The following MYO3A variants were observed in gnomAD, a reference collection of about 807,000 sequenced individuals.
The protein encoded by MYO3A is myosin-IIIa.
A neutral mutation model predicts 192.7 loss-of-function variants in MYO3A; 180 were observed. The ratio of observed to expected loss-of-function variants is 0.93; its 90% CI spans 0.83 to 1.06. The LOEUF (loss-of-function observed/expected upper bound fraction) is 1.06. Ranked by LOEUF, MYO3A falls within the 50% of genes least tolerant of loss-of-function variation. The probability of loss-of-function intolerance (pLI) is 0.00; values close to 1 mark genes in which losing one functional copy is unlikely to be tolerated. For synonymous variants in MYO3A, 628 were observed against 645.3 expected (o/e 0.97, Z 0.41); for missense variants, 1,896 against 1,905.0 (o/e 1.00, Z 0.09).
chr10:25,975,349 G>A (rs560662437), intron 4 of MYO3A, among the ~76,000 whole-genome samples: 11 of 152,136 alleles, frequency 7.2e-5, no homozygotes, highest in Non-Finnish European at 1.5e-4. Context: ...AAAAGTGAGG[G>A]GTAGCATTAA....
chr10:26,141,014 C>G (rs7895925), intron 20 of MYO3A, among the ~76,000 whole-genome samples: 105,902 of 151,962 alleles, frequency 0.7, 37,096 homozygotes, highest in Middle Eastern at 0.75. Context: ...TACAACCTCT[C>G]CCTCCCAGGT....
chr10:26,187,468 CT>C (rs1165017159), intron 31 of MYO3A, among the ~76,000 whole-genome samples: 2 of 150,808 alleles, frequency 1.3e-5, no homozygotes, highest in East Asian at 3.9e-4. Flanking sequence ...TTCTCATGGT[CT>C]TCTATTTGTG....
chr10:26,160,708 G>A (rs1177508424), intron 26 of MYO3A, among the ~76,000 whole-genome samples: 3 of 152,048 alleles, frequency 2.0e-5, no homozygotes, highest in Admixed American at 1.3e-4. Context: ...AGGAGGGTAC[G>A]GCTTATGGAG....
chr10:25,954,741 A>G (rs868565252), intron 3 of MYO3A, 133 bp from the exon 4 acceptor site: 25 of 899,498 alleles, frequency 2.8e-5, no homozygotes, highest in Middle Eastern at 3.4e-4. Flanking sequence ...ATTACAATAC[A>G]TAATACTAAG....
chr10:26,026,799 T>A (rs1298597615), intron 10 of MYO3A, among the ~76,000 whole-genome samples: 5 of 152,160 alleles, frequency 3.3e-5, no homozygotes, highest in Non-Finnish European at 7.4e-5. Context: ...CCTCCCGGGT[T>A]CAAGCGATTC....
intron 4 of MYO3A, among the ~76,000 whole-genome samples, chr10:25,986,091 TTAAAAA>T (rs1185881625): frequency 1.3e-5 from 2 of 151,978 alleles, no homozygotes; most frequent in Non-Finnish European, 2.9e-5. Context: ...ATAAACAGAA[TTAAAAA>T]TAATAATTAC....
intron 4 of MYO3A, among the ~76,000 whole-genome samples, chr10:25,985,581 C>T (rs1051011839): frequency 2.0e-5 from 3 of 152,038 alleles, no homozygotes; most frequent in African/African-American, 4.8e-5. Context: ...AGCACATAAA[C>T]CAGAAAATCT....
rs572730671 is a variant in MYO3A, at chr10:26,035,557, C to G, written c.953+9025C>G. Among the ~76,000 whole-genome samples the G allele has an allele frequency of 1.7e-3, 252 of 152,290 alleles. 1 individual carries two copies. Among genetic ancestry groups the G allele is most frequent in the African/African-American group, 6.0e-3 (249 of 41,548 alleles). The stretch of plus-strand genomic sequence containing the variant: ...CTGTCTTTATCATACCACTTTCCCC[C>G]CTGCCAAGTAATTATACAATCATAG... On this transcript the variant is annotated intron_variant, in intron 10 of 34. Coordinates refer to ENST00000642920, the MANE Select transcript of MYO3A (RefSeq NM_017433.5).
chr10:26,189,418 A>G (rs1367956916), intron 31 of MYO3A, among the ~76,000 whole-genome samples: 2 of 152,248 alleles, frequency 1.3e-5, no homozygotes, highest in East Asian at 3.8e-4. Flanking sequence ...AGTACCATTT[A>G]TGCTCAATGA....
chr10:26,153,498 C>T (rs1840920130), intron 23 of MYO3A, among the ~76,000 whole-genome samples: 1 of 152,164 alleles, frequency 6.6e-6, no homozygotes, highest in South Asian at 2.1e-4. Context: ...AATTGTAAAG[C>T]TTAGCCTGTG....
chr10:25,956,022 A>G (rs1418146157), intron 4 of MYO3A, among the ~76,000 whole-genome samples: 1 of 152,172 alleles, frequency 6.6e-6, no homozygotes, highest in African/African-American at 2.4e-5. Flanking sequence ...AGGCCTGTTC[A>G]CTTCCAAGAT....
intron 4 of MYO3A, 109 bp from the exon 5 acceptor site, chr10:25,996,381 T>A: frequency 1.2e-6 from 1 of 832,770 alleles, no homozygotes; most frequent in Non-Finnish European, 2.0e-6. Flanking sequence ...CATTAATCAT[T>A]TGAAAGAGAA....
intron 15 of MYO3A, among the ~76,000 whole-genome samples, chr10:26,090,188 G>A (rs1475252084): frequency 6.6e-6 from 1 of 152,198 alleles, no homozygotes; most frequent in East Asian, 1.9e-4. Context: ...CTAATTGGTA[G>A]ATGGCACCAC....
chr10:26,205,356 T>C (rs1843864055), intron 34 of MYO3A, among the ~76,000 whole-genome samples: 1 of 152,104 alleles, frequency 6.6e-6, no homozygotes, highest in Non-Finnish European at 1.5e-5. Context: ...CTTGAATTTA[T>C]TCCTCCTGCC....
At chr10:26,062,174 C>T (rs1834524801) in intron 10 of MYO3A, among the ~76,000 whole-genome samples, 2 of 152,092 alleles carry the variant, frequency 1.3e-5, no homozygotes, top group African/African-American at 4.8e-5. Context: ...TTGATGCTTA[C>T]ATTCTAGTAA....
At chr10:25,946,124 A>G (rs1836815248) in intron 2 of MYO3A, among the ~76,000 whole-genome samples, 1 of 152,196 alleles carries the variant, frequency 6.6e-6, no homozygotes, top group Non-Finnish European at 1.5e-5. Context: ...AAGTGGCATT[A>G]ACTAAAATTA....
In MYO3A at chr10:26,147,418, C is replaced by T; in HGVS notation, c.2506-12C>T. On this transcript the variant is annotated splice_polypyrimidine_tract_variant and intron_variant, in intron 22 of 34. Transcript: ENST00000642920. Reference sequence around the variant, plus strand: ...CATTGATTGTGATAATTATAGCATACTGTATCAACAGGTCCTCTATAATGC... The same window carrying T: ...CATTGATTGTGATAATTATAGCATATTGTATCAACAGGTCCTCTATAATGC... 8 of 1,608,760 alleles carry T rather than the reference C, an allele frequency of 5.0e-6. No homozygotes were observed. Among genetic ancestry groups the T allele is most frequent in the Non-Finnish European group, 6.8e-6 (8 of 1,175,288 alleles).
chr10:26,172,166 C>T (rs1164749184), intron 29 of MYO3A, among the ~76,000 whole-genome samples: 2 of 152,244 alleles, frequency 1.3e-5, no homozygotes, highest in Non-Finnish European at 2.9e-5. Flanking sequence ...GGCCTGACCA[C>T]TGCCAGAGAT....
At chr10:25,939,622 A>T (rs985483730) in intron 2 of MYO3A, among the ~76,000 whole-genome samples, 1 of 151,926 alleles carries the variant, frequency 6.6e-6, no homozygotes, top group Admixed American at 6.6e-5. Context: ...TTTTTTAACA[A>T]TGTAGCTTGC....
Sources: gnomAD v4.1 joint callset for allele counts (sites outside exome capture counted in the v4.1 genomes callset) on GRCh38, gnomAD v4.1.1 for gene constraint, MANE v1.5 for transcripts, NCBI Gene and HGNC (gene_info 2026-07-23, HGNC 2026-07-21) for gene names.